SLC12A7: variants seen among roughly 807,000 people sequenced by gnomAD.
SLC12A7 encodes K-Cl cotransporter 4.
Under a neutral mutation model 120.6 loss-of-function variants are expected in SLC12A7, and 100 were observed. The observed-to-expected ratio is 0.83, with a 90% CI of 0.71 to 0.98. The LOEUF (loss-of-function observed/expected upper bound fraction) is 0.98. Among genes scored for constraint, SLC12A7 ranks in the 50% least tolerant of loss-of-function variants. The pLI is 0.00. For synonymous variants in SLC12A7, 760 were observed against 678.0 expected (o/e 1.12, Z -1.88); for missense variants, 1,373 against 1,548.1 (o/e 0.89, Z 1.90).
chr5:1,144,450 C>T, the SLC12A7 span, among the ~76,000 whole-genome samples: 2 of 152,246 alleles, frequency 1.3e-5, no homozygotes, highest in African/African-American at 4.8e-5. Context: ...CCCCCACCCA[C>T]CTGTTCTTGG....
intron 17 of SLC12A7, among the ~76,000 whole-genome samples, chr5:1,066,172 T>C (rs1737033189): frequency 6.6e-6 from 1 of 152,178 alleles, no homozygotes; most frequent in African/African-American, 2.4e-5. Context: ...GTCTCAGCCT[T>C]GTGTGGTACC....
chr5:1,083,605 C>G lies in SLC12A7; in HGVS notation c.1129+140G>C, dbSNP rs2150855396. The G allele has an allele frequency of 4.7e-6, 4 of 842,168 alleles. No homozygotes were observed. In the South Asian group the frequency reaches 4.9e-5, roughly 10 times the overall value. The allele number at this position is 842,168 out of a possible 1,614,324, so 52.2% of individuals were successfully genotyped here. ...TGTGTACAGGGACCCCCAGGCTCATCAGCAGCAGCTGGGAAGGGGCTCGGC... is the reference window on the plus strand; with the variant it reads ...TGTGTACAGGGACCCCCAGGCTCATGAGCAGCAGCTGGGAAGGGGCTCGGC... On this transcript the variant is annotated intron_variant, in intron 8 of 23. Transcript: ENST00000264930.
Position 1,089,003 on chromosome 5 carries a change from G to T in SLC12A7, c.468C>A (p.Ile156=), listed in dbSNP as rs142474121. The change falls in exon 4 of 24, where the codon ATC becomes ATA. Residue 156 remains isoleucine, a synonymous_variant. Transcript: ENST00000264930. ...TCACACATGTGCAGCACATGGCCAC[G>T]ATGAGGAAGGACTCCAGGACACCAG... is the stretch of plus-strand genomic sequence containing the variant. ...GVAGVLESFL[I]VAMCCTCTML... 2.5e-6 allele frequency: 4 copies of T among 1,612,826 alleles called. No individual in the cohort carries two copies. The highest frequency in any genetic ancestry group is 2.2e-5 in the South Asian group (2 of 91,092).
intron 20 of SLC12A7, among the ~76,000 whole-genome samples, chr5:1,062,389 G>A (rs1444021951): frequency 6.6e-6 from 1 of 152,204 alleles, no homozygotes; most frequent in South Asian, 2.1e-4. Context: ...GTCCAAACAA[G>A]ACAAACTCCA....
At chr5:1,062,294 G>C (rs1736376482) in intron 20 of SLC12A7, among the ~76,000 whole-genome samples, 4 of 152,214 alleles carry the variant, frequency 2.6e-5, no homozygotes, top group Admixed American at 2.6e-4. Context: ...ATTTTACTAA[G>C]CGGTTTTATG....
At chr5:1,092,586 G>A (rs544361460) in intron 3 of SLC12A7, among the ~76,000 whole-genome samples, 5 of 152,310 alleles carry the variant, frequency 3.3e-5, no homozygotes, top group East Asian at 3.9e-4. Context: ...AAAAGCCAAC[G>A]TATGCCCTTA....
At chr5:1,140,121 C>T in the SLC12A7 span, among the ~76,000 whole-genome samples, 3 of 152,336 alleles carry the variant, frequency 2.0e-5, no homozygotes, top group Non-Finnish European at 4.4e-5. Flanking sequence ...CCAGAGGCGC[C>T]GTCCTGCCCT....
intron 22 of SLC12A7, among the ~76,000 whole-genome samples, 160 bp from the exon 23 acceptor site, chr5:1,053,642 C>T (rs1182458853): frequency 2.6e-5 from 4 of 152,182 alleles, no homozygotes; most frequent in South Asian, 2.1e-4. Context: ...GCAGAAGTGG[C>T]GGCTCCGAGC....
At chr5:1,143,861 TTG>T in the SLC12A7 span, among the ~76,000 whole-genome samples, 3 of 151,836 alleles carry the variant, frequency 2.0e-5, no homozygotes, top group East Asian at 1.9e-4. Context: ...ACCCTGGCGC[TTG>T]GCACCCTGGC....
At chr5:1,078,218 G>C (rs1738592042) in intron 11 of SLC12A7, among the ~76,000 whole-genome samples, 1 of 152,160 alleles carries the variant, frequency 6.6e-6, no homozygotes, top group Non-Finnish European at 1.5e-5. Flanking sequence ...AGCGGGGGAG[G>C]GGGTCCTGCT....
the SLC12A7 span, among the ~76,000 whole-genome samples, chr5:1,121,838 C>T: frequency 1.3e-5 from 2 of 152,174 alleles, no homozygotes; most frequent in Non-Finnish European, 2.9e-5. Flanking sequence ...TCAGGAGGGG[C>T]TGTCCTGTCT....
intron 20 of SLC12A7, among the ~76,000 whole-genome samples, chr5:1,061,671 C>T (rs1736300892): frequency 6.6e-6 from 1 of 152,230 alleles, no homozygotes; most frequent in African/African-American, 2.4e-5. Flanking sequence ...CACACCAGAT[C>T]AGGTGCGGTG....
At chr5:1,067,611 C>T (rs1455787403) in intron 17 of SLC12A7, among the ~76,000 whole-genome samples, 5 of 152,264 alleles carry the variant, frequency 3.3e-5, no homozygotes, top group Admixed American at 6.5e-5. Flanking sequence ...AGTGCTGGAG[C>T]CACGTCACGG....
intron 21 of SLC12A7, among the ~76,000 whole-genome samples, chr5:1,058,491 A>T (rs554981074): frequency 6.6e-6 from 1 of 152,320 alleles, no homozygotes; most frequent in African/African-American, 2.4e-5. Flanking sequence ...TGAGTTTGTG[A>T]CGCAGCCCGG....
intron 17 of SLC12A7, among the ~76,000 whole-genome samples, chr5:1,068,209 C>T (rs540601360): frequency 1.3e-5 from 2 of 152,276 alleles, no homozygotes; most frequent in African/African-American, 2.4e-5. Flanking sequence ...CCGAAGCAGA[C>T]GAATCACTTG....
intron 3 of SLC12A7, among the ~76,000 whole-genome samples, chr5:1,091,182 T>A (rs1357239509): frequency 1.3e-5 from 2 of 152,096 alleles, no homozygotes; most frequent in Admixed American, 6.5e-5. Flanking sequence ...GGGGGTAGGG[T>A]TGCCAGGGAG....
chr5:1,146,759 C>T, the SLC12A7 span, among the ~76,000 whole-genome samples: 1 of 152,208 alleles, frequency 6.6e-6, no homozygotes, highest in African/African-American at 2.4e-5. The surrounding 1 kb of genome is among the most constrained non-coding windows in gnomAD (Gnocchi z 6.5). Context: ...AGCCCCTTAC[C>T]CTAACCCAGA....
intron 16 of SLC12A7, among the ~76,000 whole-genome samples, chr5:1,074,244 C>A (rs551887286): frequency 6.6e-6 from 1 of 151,692 alleles, no homozygotes; most frequent in Non-Finnish European, 1.5e-5. Context: ...CCGGGGCACA[C>A]ACCTGAGGCC....
At chr5:1,154,795 C>A in the SLC12A7 span, among the ~76,000 whole-genome samples, 1 of 152,240 alleles carries the variant, frequency 6.6e-6, no homozygotes, top group Non-Finnish European at 1.5e-5. Flanking sequence ...TCATCCCCGG[C>A]CCCTCACAGG....
Sources: allele counts gnomAD v4.1 joint callset (sites outside exome capture counted in the v4.1 genomes callset), GRCh38; gene constraint gnomAD v4.1.1; non-coding constraint Gnocchi (gnomAD v3.1); transcripts MANE v1.5; gene names NCBI Gene and HGNC (gene_info 2026-07-23, HGNC 2026-07-21).